EYS: variants seen among roughly 807,000 people sequenced by gnomAD.
EYS encodes EGF-like photoreceptor maintenance factor, also known as protein eyes shut homolog.
EYS carries 250 observed loss-of-function variants against 282.1 expected under a neutral mutation model. The ratio of observed to expected loss-of-function variants is 0.89; its 90% CI spans 0.80 to 0.98. The LOEUF is 0.98. Ranked by LOEUF, EYS falls within the 50% of genes least tolerant of loss-of-function variation. EYS has a pLI of 0.00. For missense variants in EYS, 4,016 were observed against 3,709.0 expected (o/e 1.08, Z -2.15); for synonymous variants, 1,355 against 1,282.9 (o/e 1.06, Z -1.20).
At chr6:64,649,882 C>T (rs1184044913) in intron 22 of EYS, among the ~76,000 whole-genome samples, 3 of 151,706 alleles carry the variant, frequency 2.0e-5, no homozygotes, top group African/African-American at 7.3e-5. Context: ...GAACCATGGC[C>T]CAAGGAAATA....
intron 30 of EYS, among the ~76,000 whole-genome samples, chr6:64,263,506 G>A (rs961510406): frequency 6.6e-6 from 1 of 151,854 alleles, no homozygotes; most frequent in African/African-American, 2.4e-5. Context: ...ATTTTCCCGC[G>A]GATCTACAGT....
At chr6:64,350,671 TG>T (rs1162808319) in intron 29 of EYS, among the ~76,000 whole-genome samples, 1 of 151,662 alleles carries the variant, frequency 6.6e-6, no homozygotes, top group African/African-American at 2.4e-5. Context: ...CGTAAAGCTC[TG>T]GAATTATTCT....
At position 65,171,315 on chromosome 6, in the gene EYS, A is replaced by G. The variant is rs1047104317; in HGVS notation, c.2024-113588T>C. On this transcript the variant is annotated intron_variant, in intron 12 of 42. Transcript: ENST00000503581. The stretch of plus-strand genomic sequence containing the variant: ...AATACATAAACTATAGTCATCTACT[A>G]TGAACAGGTAACACATTAAATAATC... 2.0e-5 allele frequency among the ~76,000 whole-genome samples: 3 copies of G among 151,552 alleles called. No homozygotes were observed. In the East Asian group the frequency reaches 5.9e-4, roughly 30 times the overall value.
At chr6:64,095,239 G>C (rs1772548123) in intron 31 of EYS, among the ~76,000 whole-genome samples, 1 of 152,166 alleles carries the variant, frequency 6.6e-6, no homozygotes, top group African/African-American at 2.4e-5. Flanking sequence ...TGTTGATTTG[G>C]GGTGGAGAGT....
intron 22 of EYS, among the ~76,000 whole-genome samples, chr6:64,748,605 T>A (rs1042124423): frequency 2.0e-5 from 3 of 152,210 alleles, no homozygotes; most frequent in Non-Finnish European, 4.4e-5. Flanking sequence ...AGGAAGGGTA[T>A]CTGTGGATGC....
At chr6:64,297,646 A>G (rs546170672) in intron 30 of EYS, among the ~76,000 whole-genome samples, 1 of 152,208 alleles carries the variant, frequency 6.6e-6, no homozygotes, top group Non-Finnish European at 1.5e-5. Context: ...ACAACTCTGT[A>G]AACCAATAAT....
chr6:64,653,371 A>G (rs1038677661), intron 22 of EYS, among the ~76,000 whole-genome samples: 1 of 152,164 alleles, frequency 6.6e-6, no homozygotes, highest in African/African-American at 2.4e-5. Context: ...GGAAAGTAAT[A>G]TAGATACCTC....
chr6:64,155,978 T>TTA lies in EYS; in HGVS notation c.6425-73978_6425-73977dup, dbSNP rs530098992. Among the ~76,000 whole-genome samples the TTA allele has an allele frequency of 5.5e-3, 822 of 149,880 alleles. 4 individuals are homozygous for TTA. Among genetic ancestry groups the TTA allele is most frequent in the East Asian group, 0.015 (77 of 5,130 alleles). ...GATGACATGGGCTCAAACATATCATTTATATATATATATGTGTGTGTGTGT... is the reference window on the plus strand; with the variant it reads ...GATGACATGGGCTCAAACATATCATTTATATATATATATATGTGTGTGTGTGT... On this transcript the variant is annotated intron_variant, in intron 31 of 42. Coordinates refer to ENST00000503581, the MANE Select transcript of EYS (RefSeq NM_001142800.2).
At chr6:63,837,263 T>A (rs1292885025) in intron 36 of EYS, among the ~76,000 whole-genome samples, 1 of 152,144 alleles carries the variant, frequency 6.6e-6, no homozygotes, top group Non-Finnish European at 1.5e-5. Context: ...GCACCCTGGT[T>A]AAAATTAAAA....
At chr6:64,078,650 G>A (rs114082008) in intron 32 of EYS, among the ~76,000 whole-genome samples, 3,133 of 152,070 alleles carry the variant, frequency 0.021, 61 homozygotes, top group Non-Finnish European at 0.031. Context: ...TGATGTGTCC[G>A]GTACTATAAC....
intron 1 of EYS, among the ~76,000 whole-genome samples, chr6:65,678,134 T>C (rs1768689899): frequency 6.6e-6 from 1 of 151,950 alleles, no homozygotes; most frequent in Non-Finnish European, 1.5e-5. Flanking sequence ...GATGAGAGCG[T>C]GAGCAAGGGG....
rs185990969 is a variant in EYS at position 64,251,020 on chromosome 6, C to T, written c.6192-20196G>A. 3.6e-4 allele frequency among the ~76,000 whole-genome samples: 55 copies of T among 152,260 alleles called. No individual in the cohort carries two copies. In the East Asian group the frequency reaches 8.1e-3, roughly 22 times the overall value. On this transcript the variant is annotated intron_variant, in intron 30 of 42. Coordinates refer to ENST00000503581, the MANE Select transcript of EYS (RefSeq NM_001142800.2). Reference sequence around the variant, plus strand: ...GGACAGTTCATAGATTAAAGCAACACTCTTTATCTCACCTTGTTCATTACA... The same window carrying T: ...GGACAGTTCATAGATTAAAGCAACATTCTTTATCTCACCTTGTTCATTACA...
At chr6:65,665,425 T>C (rs969162924) in intron 1 of EYS, among the ~76,000 whole-genome samples, 4 of 152,150 alleles carry the variant, frequency 2.6e-5, no homozygotes, top group Admixed American at 2.6e-4. Context: ...AAATGGCCAC[T>C]AAACTGTGGG....
At chr6:64,426,342 C>T (rs893789349) in intron 28 of EYS, among the ~76,000 whole-genome samples, 53 of 152,154 alleles carry the variant, frequency 3.5e-4, no homozygotes, top group African/African-American at 1.3e-3. Context: ...TCTCTACTCA[C>T]AGGTGACAGT....
intron 21 of EYS, chr6:64,815,282 G>C (rs944252770): frequency 4.9e-6 from 2 of 406,420 alleles, no homozygotes; most frequent in Non-Finnish European, 9.7e-6. Context: ...TGTAGGTATT[G>C]CAGTTTTATT....
At chr6:64,862,215 T>A (rs1159998952) in intron 19 of EYS, among the ~76,000 whole-genome samples, 1 of 152,186 alleles carries the variant, frequency 6.6e-6, no homozygotes, top group Non-Finnish European at 1.5e-5. Flanking sequence ...CATTTCCCCC[T>A]CTGGGTCTTT....
At chr6:65,617,879 A>G (rs1766273586) in intron 2 of EYS, among the ~76,000 whole-genome samples, 2 of 152,086 alleles carry the variant, frequency 1.3e-5, no homozygotes, top group Non-Finnish European at 2.9e-5. Context: ...AAAGGACATG[A>G]ACTCATCATT....
At chr6:65,069,448 A>G (rs1225411947) in intron 12 of EYS, among the ~76,000 whole-genome samples, 3 of 151,948 alleles carry the variant, frequency 2.0e-5, no homozygotes, top group Non-Finnish European at 2.9e-5. Flanking sequence ...GTTACAGGAC[A>G]TCATTAAAGG....
chr6:63,803,869 A>G (rs1488447459), intron 37 of EYS, among the ~76,000 whole-genome samples: 2 of 152,220 alleles, frequency 1.3e-5, no homozygotes, highest in Non-Finnish European at 2.9e-5. Flanking sequence ...ACTAAATTAA[A>G]GTAATGGCAA....
Sources: allele counts gnomAD v4.1 joint callset (sites outside exome capture counted in the v4.1 genomes callset), GRCh38; gene constraint gnomAD v4.1.1; transcripts MANE v1.5; gene names NCBI Gene and HGNC (gene_info 2026-07-23, HGNC 2026-07-21).